The following RARB variants were observed in gnomAD, a reference collection of about 807,000 sequenced individuals.
RARB encodes HBV-activated protein.
RARB carries 17 observed loss-of-function variants against 51.9 expected under a neutral mutation model. The observed-to-expected ratio is 0.33, with a 90% confidence interval of 0.22 to 0.49. The LOEUF (loss-of-function observed/expected upper bound fraction) is 0.49. RARB is among the 20% of genes least tolerant of loss of function. RARB has a pLI of 0.99. For missense variants in RARB, 369 were observed against 550.8 expected (o/e 0.67, Z 3.30); for synonymous variants, 215 against 195.4 (o/e 1.10, Z -0.84).
At chr3:25,180,722 G>A (rs1481480681) in intron 5 of RARB, among the ~76,000 whole-genome samples, 1 of 152,140 alleles carries the variant, frequency 6.6e-6, no homozygotes, top group Admixed American at 6.5e-5. Context: ...ACATTTGAAT[G>A]AATCTTTGTA....
At chr3:25,567,372 C>A (rs1308455533) in intron 3 of RARB, among the ~76,000 whole-genome samples, 1 of 150,394 alleles carries the variant, frequency 6.6e-6, no homozygotes, top group Non-Finnish European at 1.5e-5. Context: ...TTGGCCTGTT[C>A]TGGACATCCA....
intron 4 of RARB, among the ~76,000 whole-genome samples, chr3:25,163,520 T>A (rs1442999551): frequency 0.013 from 469 of 37,120 alleles, 8 homozygotes; most frequent in East Asian, 0.051. Context: ...TATATATATA[T>A]ATATATATAT....
intron 2 of RARB, among the ~76,000 whole-genome samples, chr3:25,006,943 A>G (rs1380358734): frequency 2.0e-5 from 3 of 152,144 alleles, no homozygotes; most frequent in Non-Finnish European, 4.4e-5. Context: ...CTCCAATGTA[A>G]TATTTTGTAA....
intron 3 of RARB, among the ~76,000 whole-genome samples, chr3:25,513,407 T>A (rs1366772111): frequency 6.6e-6 from 1 of 152,174 alleles, no homozygotes; most frequent in African/African-American, 2.4e-5. Flanking sequence ...TTCTGTCTGA[T>A]CTTCCAAGAG....
Position 25,540,089 on chromosome 3 carries a change from A to G in RARB, c.449-29669A>G, listed in dbSNP as rs549946783. 1.8e-4 allele frequency among the ~76,000 whole-genome samples: 27 copies of G among 152,266 alleles called. No individual in the cohort carries two copies. The South Asian group carries it at 5.4e-3, about 30-fold the overall frequency. Reference sequence around the variant, plus strand: ...CTGCATATACCGAGTGACAACTGTAAAAGGATAATAATGCTAAGTCCTTTT... The same window carrying G: ...CTGCATATACCGAGTGACAACTGTAGAAGGATAATAATGCTAAGTCCTTTT... On this transcript the variant is annotated intron_variant, in intron 3 of 7. Transcript: ENST00000330688.
chr3:25,580,760 GGA>G lies in RARB; in HGVS notation c.786+44_786+45del, dbSNP rs775550644. ...TTGAGCTCTCAATGGGTCTGGGGAGGGAGAGAGGGCACCGTGGAGGGGAGGGA... is the reference window on the plus strand; with the variant it reads ...TTGAGCTCTCAATGGGTCTGGGGAGGGAGAGGGCACCGTGGAGGGGAGGGA... On this transcript the variant is annotated intron_variant, in intron 5 of 7. Coordinates refer to ENST00000330688, the MANE Select transcript of RARB (RefSeq NM_000965.5). The G allele has an allele frequency of 9.1e-6, 14 of 1,540,388 alleles. No individual in the cohort carries two copies. The African/African-American group carries it at 1.8e-4, about 19-fold the overall frequency.
intron 3 of RARB, among the ~76,000 whole-genome samples, chr3:25,090,956 A>C (rs1699187382): frequency 6.6e-6 from 1 of 152,146 alleles, no homozygotes. Context: ...TATGAAGCCT[A>C]TTGGCTGTGT....
At chr3:24,932,246 A>G (rs1382816258) in intron 2 of RARB, among the ~76,000 whole-genome samples, 3 of 152,088 alleles carry the variant, frequency 2.0e-5, no homozygotes, top group African/African-American at 7.2e-5. Context: ...GGGAGGAAAC[A>G]GTAACTCCAA....
intron 5 of RARB, among the ~76,000 whole-genome samples, chr3:25,337,478 C>G (rs77435197): frequency 0.043 from 6,573 of 152,284 alleles, 180 homozygotes; most frequent in Non-Finnish European, 0.061. Flanking sequence ...TCACTTTCTA[C>G]ATTTGCACCC....
intron 5 of RARB, among the ~76,000 whole-genome samples, chr3:25,332,927 T>C (rs1291709151): frequency 2.0e-5 from 3 of 152,152 alleles, no homozygotes; most frequent in Non-Finnish European, 2.9e-5. Flanking sequence ...TCATTCACAA[T>C]TGCTTCAAAG....
intron 2 of RARB, among the ~76,000 whole-genome samples, chr3:24,927,742 T>C (rs1220264574): frequency 6.6e-6 from 1 of 152,078 alleles, no homozygotes; most frequent in East Asian, 1.9e-4. Flanking sequence ...ATACTAACCT[T>C]GTTAAAGCGT....
intron 5 of RARB, among the ~76,000 whole-genome samples, chr3:25,265,422 C>T (rs1703102011): frequency 6.6e-6 from 1 of 152,144 alleles, no homozygotes; most frequent in Non-Finnish European, 1.5e-5. Context: ...TCACTGTTTC[C>T]CTTGCTACTA....
Position 25,352,947 on chromosome 3 carries a change from A to G in RARB, c.179-108246A>G, listed in dbSNP as rs547588763. ...TTTTCTCATCTGTGTAACATAAATG[A>G]TCATGACTATCCTGCCTATTATGAA... On this transcript the variant is annotated intron_variant, in intron 5 of 11. Coordinates refer to the RARB transcript ENST00000383772. 7.9e-5 allele frequency among the ~76,000 whole-genome samples: 12 copies of G among 152,322 alleles called. No homozygotes were observed. In the South Asian group the frequency reaches 2.1e-3, roughly 26 times the overall value.
At chr3:24,972,713 G>C (rs1299652607) in intron 2 of RARB, among the ~76,000 whole-genome samples, 1 of 151,912 alleles carries the variant, frequency 6.6e-6, no homozygotes, top group African/African-American at 2.4e-5. Context: ...ATCTCATTGT[G>C]GTTTTGACTT....
At chr3:25,029,825 A>G (rs1410515088) in intron 2 of RARB, among the ~76,000 whole-genome samples, 2 of 152,250 alleles carry the variant, frequency 1.3e-5, no homozygotes. Flanking sequence ...AAGGAAATTA[A>G]CATGGGACAG....
intron 2 of RARB, among the ~76,000 whole-genome samples, chr3:24,859,850 A>G (rs1018342548): frequency 1.3e-5 from 2 of 152,210 alleles, no homozygotes; most frequent in African/African-American, 2.4e-5. Context: ...GGAGTATGGT[A>G]TGTTCCAATA....
In RARB at chr3:24,926,149, G is replaced by A. The variant is rs181707690; in HGVS notation, c.-380+67397G>A. ...GCTATGATTTATAGGATCCTAATGC[G>A]GAGTTTTGTTTGACCAAAGAGAATG... On this transcript the variant is annotated intron_variant, in intron 2 of 11. Transcript: ENST00000383772. Among the ~76,000 whole-genome samples, 41 of 152,132 alleles carry A rather than the reference G, an allele frequency of 2.7e-4. No individual in the cohort carries two copies. In the East Asian group the frequency reaches 6.2e-3, roughly 23 times the overall value.
intron 5 of RARB, among the ~76,000 whole-genome samples, chr3:25,339,051 A>C (rs189440351): frequency 6.6e-6 from 1 of 152,212 alleles, no homozygotes; most frequent in African/African-American, 2.4e-5. Context: ...TGAAAGGTCT[A>C]TGTTCTTTAC....
At chr3:25,461,549 A>G (rs905195759) in intron 2 of RARB, among the ~76,000 whole-genome samples, 2 of 152,232 alleles carry the variant, frequency 1.3e-5, no homozygotes, top group African/African-American at 4.8e-5. Flanking sequence ...ATGAGGGTCA[A>G]AGGTTCTAAG....
Sources: gnomAD v4.1 joint callset for allele counts (sites outside exome capture counted in the v4.1 genomes callset) on GRCh38, gnomAD v4.1.1 for gene constraint, MANE v1.5 for transcripts, NCBI Gene and HGNC (gene_info 2026-07-23, HGNC 2026-07-21) for gene names.